The following THRB variants were observed in gnomAD, a reference collection of about 807,000 sequenced individuals.
The protein encoded by THRB is nuclear receptor subfamily 1 group A member 2.
A neutral mutation model predicts 47.8 loss-of-function variants in THRB; 12 were observed. That is an observed-to-expected ratio of 0.25 (90% CI 0.16 to 0.41). The LOEUF (loss-of-function observed/expected upper bound fraction) is 0.41, where lower values mean the gene tolerates loss of function less well. Ranked by LOEUF, THRB falls within the 10% of genes least tolerant of loss-of-function variation. THRB has a pLI of 1.00. For missense variants in THRB, 348 were observed against 589.2 expected (o/e 0.59, Z 4.24); for synonymous variants, 218 against 212.2 (o/e 1.03, Z -0.24).
At chr3:24,207,962 A>C (rs942596117) in intron 4 of THRB, among the ~76,000 whole-genome samples, 3 of 152,208 alleles carry the variant, frequency 2.0e-5, no homozygotes, top group Non-Finnish European at 4.4e-5. Context: ...GTCTCAGCCC[A>C]AAATCTCCTT....
intron 3 of THRB, among the ~76,000 whole-genome samples, chr3:24,268,489 G>T (rs560069194): frequency 6.6e-6 from 1 of 152,152 alleles, no homozygotes; most frequent in Non-Finnish European, 1.5e-5. Context: ...ATTTTATGGG[G>T]ATCTTTTGAA....
Position 24,122,353 on chromosome 3 carries a change from TGCTCCTA to T in THRB, c.*524_*530del, listed in dbSNP as rs1206141356. The T allele has an allele frequency of 6.0e-5, 10 of 167,576 alleles. No individual in the cohort carries two copies. The highest frequency in any genetic ancestry group is 4.9e-4 in the Admixed American group (9 of 18,244). The allele number at this position is 167,576 out of a possible 1,614,324, so 10.4% of individuals were successfully genotyped here. On this transcript the variant is annotated 3_prime_UTR_variant, in exon 11 of 11. Transcript: ENST00000646209. Reference sequence around the variant, plus strand: ...AAATATTCCTGTACATTCCAAGTTATGCTCCTAGGAGACCATAAAGAGTGCTGCAAAC... The same window carrying T: ...AAATATTCCTGTACATTCCAAGTTATGGAGACCATAAAGAGTGCTGCAAAC...
intron 4 of THRB, among the ~76,000 whole-genome samples, chr3:24,215,492 CCT>C (rs2046464544): frequency 6.6e-6 from 1 of 152,184 alleles, no homozygotes; most frequent in African/African-American, 2.4e-5. Context: ...CCATCCTACC[CCT>C]GTCTAGAGAT....
In THRB at chr3:24,130,928, A is replaced by G. The variant is rs1001846694; in HGVS notation, c.885+2388T>C. ...TGGTAGATGTATTCTTTGGAATACT[A>G]TGTGGTCATTGGAAATCATTTTGTG... On this transcript the variant is annotated intron_variant, in intron 9 of 10. Coordinates refer to ENST00000646209, the MANE Select transcript of THRB (RefSeq NM_001354712.2). Among the ~76,000 whole-genome samples the G allele has an allele frequency of 2.0e-4, 31 of 152,356 alleles. 1 individual carries two copies. The highest frequency in any genetic ancestry group is 7.0e-4 in the African/African-American group (29 of 41,582).
chr3:24,213,325 A>G (rs2046252324), intron 4 of THRB, among the ~76,000 whole-genome samples: 1 of 152,182 alleles, frequency 6.6e-6, no homozygotes, highest in African/African-American at 2.4e-5. Flanking sequence ...ATGGGGCTTG[A>G]CAGGGTCAGG....
At chr3:24,342,447 A>G (rs1306441611) in intron 1 of THRB, among the ~76,000 whole-genome samples, 3 of 152,134 alleles carry the variant, frequency 2.0e-5, no homozygotes, top group Non-Finnish European at 4.4e-5. Context: ...GCAGAAACTG[A>G]AAGCTTTAAC....
At chr3:24,403,684 G>A (rs2067604203) in intron 1 of THRB, among the ~76,000 whole-genome samples, 3 of 151,836 alleles carry the variant, frequency 2.0e-5, no homozygotes. Context: ...AAATGTCCTT[G>A]ATTAAACAGT....
At chr3:24,183,913 ACATT>A (rs1333123665) in intron 5 of THRB, among the ~76,000 whole-genome samples, 18 of 152,342 alleles carry the variant, frequency 1.2e-4, no homozygotes, top group East Asian at 1.9e-4. Context: ...ATTCATTAAT[ACATT>A]CATTAATATT....
At chr3:24,366,767 C>T (rs765243056) in intron 1 of THRB, among the ~76,000 whole-genome samples, 3 of 151,826 alleles carry the variant, frequency 2.0e-5, no homozygotes, top group Non-Finnish European at 4.4e-5. Flanking sequence ...ATTACAGGCA[C>T]ATGCCACCAC....
intron 3 of THRB, among the ~76,000 whole-genome samples, chr3:24,243,958 A>G (rs866477667): frequency 1.3e-5 from 2 of 152,126 alleles, no homozygotes; most frequent in Non-Finnish European, 2.9e-5. Flanking sequence ...AAAATGACAG[A>G]TTTTGAGGAA....
intron 8 of THRB, among the ~76,000 whole-genome samples, chr3:24,139,401 TG>T (rs2035148249): frequency 1.3e-5 from 2 of 151,438 alleles, no homozygotes; most frequent in Non-Finnish European, 1.5e-5. Context: ...TTTTTTTTTT[TG>T]AGACATGGTT....
chr3:24,481,996 C>T (rs948709528), intron 1 of THRB, among the ~76,000 whole-genome samples: 6 of 152,072 alleles, frequency 3.9e-5, no homozygotes, highest in Non-Finnish European at 5.9e-5. Context: ...CTGAAAAATA[C>T]TAGGTCATCT....
intron 2 of THRB, among the ~76,000 whole-genome samples, chr3:24,303,604 T>C (rs1012007749): frequency 6.6e-6 from 1 of 152,206 alleles, no homozygotes; most frequent in Non-Finnish European, 1.5e-5. Flanking sequence ...GCTACACATG[T>C]TAATTATCAC....
intron 4 of THRB, among the ~76,000 whole-genome samples, chr3:24,223,884 A>ATG (rs974991133): frequency 6.7e-6 from 1 of 148,344 alleles, no homozygotes; most frequent in African/African-American, 2.5e-5. Context: ...TCACCAATCA[A>ATG]TGTGTGTGTG....
chr3:24,454,666 C>A (rs377382789), intron 1 of THRB, among the ~76,000 whole-genome samples: 13 of 152,270 alleles, frequency 8.5e-5, no homozygotes, highest in African/African-American at 2.9e-4. Context: ...TTAGATGAAA[C>A]TTCCTCATAT....
chr3:24,430,770 G>T (rs2070310018), intron 1 of THRB: 1 of 151,970 alleles, frequency 6.6e-6, no homozygotes, highest in African/African-American at 2.4e-5. Flanking sequence ...AACAATAATG[G>T]TGAGAAGAAG....
At chr3:24,422,570 G>A (rs1389295603) in intron 1 of THRB, among the ~76,000 whole-genome samples, 1 of 151,910 alleles carries the variant, frequency 6.6e-6, no homozygotes, top group Non-Finnish European at 1.5e-5. Flanking sequence ...TGAAAGCTTA[G>A]ATTTCCATTT....
chr3:24,127,432 G>T (rs1037149521), intron 10 of THRB, 67 bp downstream of exon 10: 41 of 1,555,814 alleles, frequency 2.6e-5, no homozygotes, highest in Non-Finnish European at 3.5e-5. Flanking sequence ...AAACTCAAGT[G>T]ATTGGAATTA....
intron 1 of THRB, among the ~76,000 whole-genome samples, chr3:24,422,123 A>C (rs1419484614): frequency 6.6e-6 from 1 of 152,014 alleles, no homozygotes; most frequent in Non-Finnish European, 1.5e-5. Context: ...GAAATTGGAC[A>C]AAGTAGTAAA....
Sources: allele counts gnomAD v4.1 joint callset (sites outside exome capture counted in the v4.1 genomes callset), GRCh38; gene constraint gnomAD v4.1.1; transcripts MANE v1.5; gene names NCBI Gene and HGNC (gene_info 2026-07-23, HGNC 2026-07-21).